The following TRHDE variants were observed in gnomAD, a reference collection of about 807,000 sequenced individuals.
The protein encoded by TRHDE is thyrotropin releasing hormone degrading enzyme, also known as thyrotropin-releasing hormone-degrading ectoenzyme.
In TRHDE, 72 loss-of-function variants were observed where a neutral mutation model predicts 125.7. That is an observed-to-expected ratio of 0.57 (90% CI 0.47 to 0.70). The LOEUF (loss-of-function observed/expected upper bound fraction) is 0.70. Ranked by LOEUF, TRHDE falls within the 30% of genes least tolerant of loss-of-function variation. The pLI, the probability that TRHDE is intolerant of heterozygous loss-of-function variation, is 0.00. For missense variants in TRHDE, 1,110 were observed against 1,327.1 expected (o/e 0.84, Z 2.54); for synonymous variants, 509 against 509.1 (o/e 1.00, Z 0.00).
intron 3 of TRHDE, among the ~76,000 whole-genome samples, chr12:72,395,357 A>C (rs957350084): frequency 6.6e-6 from 1 of 152,158 alleles, no homozygotes; most frequent in East Asian, 1.9e-4. Flanking sequence ...ATTGCCCCCC[A>C]TTCAGTTCAC....
chr12:72,457,486 C>A (rs996295532), intron 3 of TRHDE, among the ~76,000 whole-genome samples: 8 of 151,994 alleles, frequency 5.3e-5, no homozygotes, highest in African/African-American at 1.9e-4. Context: ...TGTTTAGATG[C>A]CAGTTAATAT....
At chr12:72,368,879 C>G (rs190949608) in intron 2 of TRHDE, among the ~76,000 whole-genome samples, 2 of 152,240 alleles carry the variant, frequency 1.3e-5, no homozygotes, top group Non-Finnish European at 2.9e-5. Flanking sequence ...GGCACCAGTG[C>G]TGTGTTTCCT....
intron 2 of TRHDE, among the ~76,000 whole-genome samples, chr12:72,334,106 C>T (rs1869725967): frequency 6.6e-6 from 1 of 152,036 alleles, no homozygotes; most frequent in Non-Finnish European, 1.5e-5. Context: ...ATTATAATTG[C>T]ATTTCAAGGG....
At chr12:72,380,756 T>TTCCA in intron 3 of TRHDE, among the ~76,000 whole-genome samples, 2 of 95,470 alleles carry the variant, frequency 2.1e-5, no homozygotes, top group Admixed American at 2.2e-4. Context: ...CCTTCCTTCC[T>TTCCA]TCCTTCCTTG....
chr12:72,487,432 T>A (rs942044019), intron 5 of TRHDE, among the ~76,000 whole-genome samples: 1 of 152,104 alleles, frequency 6.6e-6, no homozygotes, highest in Admixed American at 6.6e-5. Context: ...CATTAGACTA[T>A]CAGTGTATTT....
chr12:72,170,522 T>C (rs12811365), intron 2 of TRHDE, among the ~76,000 whole-genome samples: 17,923 of 152,068 alleles, frequency 0.12, 2,026 homozygotes, highest in African/African-American at 0.3. Context: ...TTGGTCTACT[T>C]TCTGGAGCAG....
intron 2 of TRHDE, among the ~76,000 whole-genome samples, chr12:72,224,102 C>G (rs199916530): frequency 2.6e-5 from 1 of 38,582 alleles, no homozygotes; most frequent in African/African-American, 1.0e-4. Flanking sequence ...ATCTATCTAT[C>G]TATCTATCTA....
intron 5 of TRHDE, among the ~76,000 whole-genome samples, chr12:72,479,715 GGTTA>G: frequency 6.7e-6 from 1 of 149,304 alleles, no homozygotes; most frequent in Middle Eastern, 3.5e-3. Flanking sequence ...ACAATGTGCA[GGTTA>G]GTTACATATG....
chr12:72,510,684 A>C (rs1315668793), intron 6 of TRHDE, among the ~76,000 whole-genome samples: 2 of 152,198 alleles, frequency 1.3e-5, no homozygotes, highest in Admixed American at 6.5e-5. Flanking sequence ...TTTAGAAGTA[A>C]GTAACATACT....
Position 72,286,823 on chromosome 12 carries a change from A to G in TRHDE, c.1057A>G (p.Thr353Ala). The change falls in exon 2 of 19, where the codon ACT (threonine) becomes GCT (alanine). Residue 353 changes from threonine (T) to alanine (A), a missense_variant. By Grantham distance (58) the Thr-to-Ala change is moderately conservative. This residue lies in a region of TRHDE where 252 missense variants were observed against 274.8 expected (regional missense o/e 0.92). Coordinates refer to ENST00000261180, the MANE Select transcript of TRHDE (RefSeq NM_013381.3). ...YLSLSNMPVE[T>A]SVFEEDGWVT... ...ATCTTTATCTAATATGCCAGTGGAA[A>G]CTTCCGTGTTTGAGGAAGATGGATG... The G allele has an allele frequency of 6.2e-7, 1 of 1,613,756 alleles. No individual in the cohort carries two copies. Among genetic ancestry groups the G allele is most frequent in the Non-Finnish European group, 8.5e-7 (1 of 1,179,944 alleles).
rs1877738649 is a variant in TRHDE, at chr12:72,209,826, A to G, written n.279+104074A>G. Among the ~76,000 whole-genome samples the G allele has an allele frequency of 2.6e-5, 4 of 152,332 alleles. No individual in the cohort carries two copies. The South Asian group carries it at 8.3e-4, about 32-fold the overall frequency. On this transcript the variant is annotated intron_variant and non_coding_transcript_variant, in intron 2 of 4. Transcript: ENST00000548156. ...TTACAAGAACAGTACATATTTGCTT[A>G]CAGTTATCTCTGCTTATACAGTGTG...
chr12:72,302,461 C>G (rs578024010), intron 2 of TRHDE, among the ~76,000 whole-genome samples: 1 of 152,030 alleles, frequency 6.6e-6, no homozygotes, highest in Non-Finnish European at 1.5e-5. Context: ...GTTTCAGGTA[C>G]TATTCTAAGG....
At chr12:72,167,307 C>A (rs1876773670) in intron 2 of TRHDE, among the ~76,000 whole-genome samples, 2 of 152,070 alleles carry the variant, frequency 1.3e-5, no homozygotes, top group Non-Finnish European at 2.9e-5. Context: ...ACTAACTGCC[C>A]AAACTGCAAG....
intron 9 of TRHDE, among the ~76,000 whole-genome samples, chr12:72,564,653 A>ATGTTTT (rs1870345638): frequency 1.8e-5 from 1 of 54,276 alleles, no homozygotes; most frequent in Non-Finnish European, 3.3e-5. Context: ...ATGCGTATGA[A>ATGTTTT]TTTTTTTTTT....
At chr12:72,252,168 T>C (rs778658875) in intron 2 of TRHDE, among the ~76,000 whole-genome samples, 2 of 152,126 alleles carry the variant, frequency 1.3e-5, no homozygotes, top group Non-Finnish European at 2.9e-5. Flanking sequence ...AACTTTTCCC[T>C]TTATGAATTA....
chr12:72,348,570 T>C (rs574808042), intron 2 of TRHDE, among the ~76,000 whole-genome samples: 1 of 152,200 alleles, frequency 6.6e-6, no homozygotes, highest in Admixed American at 6.6e-5. Flanking sequence ...GTGTTAAATC[T>C]CTGTTTGCCC....
At chr12:72,594,379 C>T (rs757581387) in intron 12 of TRHDE, among the ~76,000 whole-genome samples, 3 of 151,626 alleles carry the variant, frequency 2.0e-5, no homozygotes, top group Non-Finnish European at 4.4e-5. Context: ...CCACCATGCC[C>T]GGCTAATTTT....
At chr12:72,193,999 A>G (rs947399290) in intron 2 of TRHDE, among the ~76,000 whole-genome samples, 1 of 152,094 alleles carries the variant, frequency 6.6e-6, no homozygotes, top group Non-Finnish European at 1.5e-5. Flanking sequence ...AATTAAAAAT[A>G]TTGTCATCTA....
chr12:72,210,354 G>A (rs756802802), intron 2 of TRHDE, among the ~76,000 whole-genome samples: 22 of 152,030 alleles, frequency 1.4e-4, no homozygotes, highest in South Asian at 6.2e-4. Context: ...TTTCCCTTGT[G>A]CATCATCTAT....
Sources: allele counts gnomAD v4.1 joint callset (sites outside exome capture counted in the v4.1 genomes callset), GRCh38; gene constraint gnomAD v4.1.1; regional missense constraint gnomAD v4.1.1; transcripts MANE v1.5; gene names NCBI Gene and HGNC (gene_info 2026-07-23, HGNC 2026-07-21).